Variants in PITPNM2 observed in about 807,000 individuals in gnomAD.
The protein encoded by PITPNM2 is membrane-associated phosphatidylinositol transfer protein 2.
In PITPNM2, 35 loss-of-function variants were observed where a neutral mutation model predicts 132.2. That is an observed-to-expected ratio of 0.26 (90% CI 0.20 to 0.35). The LOEUF (loss-of-function observed/expected upper bound fraction) is 0.35. Among genes scored for constraint, PITPNM2 ranks in the 10% least tolerant of loss-of-function variants. The pLI, the probability that PITPNM2 is intolerant of heterozygous loss-of-function variation, is 1.00. For missense variants in PITPNM2, 1,332 were observed against 1,912.0 expected, an observed-to-expected ratio of 0.70 and a Z score of 5.66; for synonymous variants, 738 against 799.2, an observed-to-expected ratio of 0.92 and a Z score of 1.29.
intron 14 of PITPNM2, 133 bp from the exon 15 acceptor site, chr12:122,995,112 C>A: frequency 9.2e-7 from 1 of 1,083,270 alleles, no homozygotes; most frequent in Non-Finnish European, 1.3e-6. Flanking sequence ...GCTGGACCAC[C>A]TGCCCCTGGT....
rs981210571 is a variant in PITPNM2 at position 122,988,748 on chromosome 12, G to A, written c.2856C>T (p.Asp952=). Residue 952 remains aspartate (D), a synonymous_variant, in exon 19 of 26, where the codon GAC becomes GAT. Transcript: ENST00000320201. The part of the protein sequence containing the change: ...LFHASYWEST[D]VVSFLLRQVM... ...CCTGTCTCAGCAGAAAGGAGACCACGTCTGTTGACTCCCAGTAGCTGGCGT... is the reference window on the plus strand; with the variant it reads ...CCTGTCTCAGCAGAAAGGAGACCACATCTGTTGACTCCCAGTAGCTGGCGT... 8.9e-6 allele frequency: 14 copies of A among 1,567,884 alleles called. No individual in the cohort carries two copies. The highest frequency in any genetic ancestry group is 1.2e-5 in the Non-Finnish European group (14 of 1,156,212).
intron 2 of PITPNM2, among the ~76,000 whole-genome samples, chr12:123,054,990 G>A (rs1467362228): frequency 6.6e-6 from 1 of 152,092 alleles, no homozygotes; most frequent in Non-Finnish European, 1.5e-5. Context: ...CTTGAATCCG[G>A]GAGCAGAGGC....
intron 1 of PITPNM2, among the ~76,000 whole-genome samples, chr12:123,145,376 A>G (rs1019372363): frequency 1.3e-5 from 2 of 152,148 alleles, no homozygotes; most frequent in Non-Finnish European, 2.9e-5. Flanking sequence ...GGCTGGAATC[A>G]GCCTTGAGGT....
intron 4 of PITPNM2, 148 bp downstream of exon 4, chr12:123,013,680 G>T: frequency 1.1e-6 from 1 of 929,678 alleles, no homozygotes; most frequent in Non-Finnish European, 1.6e-6. Context: ...CGGGGCACCT[G>T]TATGGAACAA....
At position 123,097,630 on chromosome 12, in the gene PITPNM2, G is replaced by A. The variant is rs1191637664; in HGVS notation, c.-96+12755C>T. On this transcript the variant is annotated intron_variant, in intron 2 of 25. Transcript: ENST00000320201. The surrounding 1 kb of genome is among the most constrained non-coding windows in gnomAD (Gnocchi z 4.7). ...AAGCAGCCTGTCCGCACGCTCTCCA[G>A]TGCAGCCTGCCTCACTTGCCTGCCT... Among the ~76,000 whole-genome samples the A allele has an allele frequency of 6.6e-6, 1 of 152,218 alleles. No homozygotes were observed. Among genetic ancestry groups the A allele is most frequent in the Admixed American group, 6.5e-5 (1 of 15,284 alleles).
chr12:123,002,374 C>T (rs1023212062), intron 8 of PITPNM2, among the ~76,000 whole-genome samples: 5 of 152,092 alleles, frequency 3.3e-5, no homozygotes, highest in African/African-American at 1.2e-4. Context: ...AAAAATGCTA[C>T]ATTTACTTTA....
intron 1 of PITPNM2, among the ~76,000 whole-genome samples, chr12:123,122,377 G>A (rs572331816): frequency 2.6e-5 from 4 of 152,242 alleles, no homozygotes; most frequent in African/African-American, 4.8e-5. Context: ...CAGGAGAATC[G>A]CTTGAACCTG....
chr12:123,072,196 T>C (rs899808279), intron 2 of PITPNM2, among the ~76,000 whole-genome samples: 6 of 152,082 alleles, frequency 3.9e-5, no homozygotes, highest in Non-Finnish European at 8.8e-5. Context: ...CACCATCCAT[T>C]TGTCCTTCCC....
At chr12:123,074,026 A>G (rs893555917) in intron 2 of PITPNM2, among the ~76,000 whole-genome samples, 1 of 152,244 alleles carries the variant, frequency 6.6e-6, no homozygotes, top group Non-Finnish European at 1.5e-5. Flanking sequence ...AGAGCCCAGC[A>G]GCCATGCCCG....
intron 2 of PITPNM2, among the ~76,000 whole-genome samples, chr12:123,050,926 A>C (rs576678617): frequency 6.6e-6 from 1 of 152,356 alleles, no homozygotes; most frequent in South Asian, 2.1e-4. Context: ...CCATGGGCAC[A>C]TAACTTGGGC....
Position 122,995,652 on chromosome 12 carries a change from G to C in PITPNM2, c.1791C>G (p.Asp597Glu). The change falls in exon 14 of 26, where the codon GAC becomes GAG. Residue 597 changes from aspartate (D) to glutamate (E), a missense_variant. Asp to Glu is a conservative substitution (Grantham distance 45). This residue lies in a region of PITPNM2 where 710 missense variants were observed against 911.5 expected (regional missense o/e 0.78). Coordinates refer to ENST00000320201, the MANE Select transcript of PITPNM2 (RefSeq NM_020845.3). ...TCATCAGGATGCCCGGGGACAGCAG[G>C]TCATTGTCCTGGAACGGCCCCGTGG... The part of the protein sequence containing the change: ...RGSVVSMQDN[D>E]LLSPGILMNA... 6.3e-7 allele frequency: 1 copy of C among 1,596,268 alleles called. No individual in the cohort carries two copies. Among genetic ancestry groups the C allele is most frequent in the African/African-American group, 1.3e-5 (1 of 74,882 alleles).
Position 123,022,631 on chromosome 12 carries a change from A to C in PITPNM2, c.79-8589T>G, listed in dbSNP as rs762589066. On this transcript the variant is annotated intron_variant, in intron 3 of 25. Transcript: ENST00000320201. This position sits in a 1 kb window ranked among gnomAD's most constrained non-coding sequence, Gnocchi z 4.9. ...GTGGGATCATGCTCCCCACTCCACA[A>C]GTAAGAAACTGAGGCACAGAGTACT... is the stretch of plus-strand genomic sequence containing the variant. Among the ~76,000 whole-genome samples, 2 of 152,162 alleles carry C rather than the reference A, an allele frequency of 1.3e-5. No homozygotes were observed. The highest frequency in any genetic ancestry group is 2.9e-5 in the Non-Finnish European group (2 of 68,038).
In PITPNM2 at chr12:123,005,379, G is replaced by A; in HGVS notation, c.813C>T (p.Val271=). The A allele has an allele frequency of 1.2e-6, 2 of 1,614,192 alleles. No homozygotes were observed. Among genetic ancestry groups the A allele is most frequent in the Non-Finnish European group, 1.7e-6 (2 of 1,180,026 alleles). The change falls in exon 7 of 26, where the codon GTC becomes GTT. Residue 271 remains valine (V), a synonymous_variant. Transcript: ENST00000320201. This position sits in a 1 kb window ranked among gnomAD's most constrained non-coding sequence, Gnocchi z 6.2. ...NEDGEEATEL[V]KHEAVSDQTS... ...TCTGGTCCGAGACGGCTTCGTGCTT[G>A]ACGAGCTCAGTGGCCTCCTCACCAT...
chr12:123,069,242 C>A (rs2041546696), intron 2 of PITPNM2, among the ~76,000 whole-genome samples: 1 of 150,288 alleles, frequency 6.7e-6, no homozygotes, highest in African/African-American at 2.5e-5. Context: ...GTAAGACCTA[C>A]TCTCTAAAAA....
At position 123,086,454 on chromosome 12, in the gene PITPNM2, T is replaced by C. The variant is rs550777709; in HGVS notation, c.-96+23931A>G. ...ATGGTCAAAGGTCGGTAAATGGTAA[T>C]GATACATGGATTATAATGGAAGTAC... On this transcript the variant is annotated intron_variant, in intron 2 of 25. Transcript: ENST00000320201. 2.6e-5 allele frequency among the ~76,000 whole-genome samples: 4 copies of C among 152,312 alleles called. No individual in the cohort carries two copies. The East Asian group carries it at 7.7e-4, about 29-fold the overall frequency.
At chr12:123,057,663 C>A (rs1484128727) in intron 2 of PITPNM2, among the ~76,000 whole-genome samples, 4 of 152,170 alleles carry the variant, frequency 2.6e-5, no homozygotes, top group Admixed American at 2.6e-4. Flanking sequence ...CCTGAAGCCC[C>A]AGGGCACATA....
rs903491710 is a variant in PITPNM2 at position 123,058,867 on chromosome 12, G to A, written c.-95-24182C>T. The stretch of plus-strand genomic sequence containing the variant: ...GCTTACACAGCACTCACTCTGAGAA[G>A]CCCTCCGAGACTACTCTGGGCAAAG... On this transcript the variant is annotated intron_variant, in intron 2 of 25. Transcript: ENST00000320201. The surrounding 1 kb of genome is among the most constrained non-coding windows in gnomAD (Gnocchi z 4.0). Among the ~76,000 whole-genome samples the A allele has an allele frequency of 6.6e-6, 1 of 152,142 alleles. No individual in the cohort carries two copies. The highest frequency in any genetic ancestry group is 2.4e-5 in the African/African-American group (1 of 41,414).
intron 2 of PITPNM2, among the ~76,000 whole-genome samples, chr12:123,057,695 G>A (rs1287005927): frequency 6.6e-6 from 1 of 152,262 alleles, no homozygotes; most frequent in Non-Finnish European, 1.5e-5. Context: ...CTCTGGTGGT[G>A]ACGGTTCATC....
chr12:123,125,872 T>G (rs1566303224), intron 1 of PITPNM2, among the ~76,000 whole-genome samples: 1 of 97,382 alleles, frequency 1.0e-5, no homozygotes. Context: ...GGGTTTTTTT[T>G]TTTTTTTTTT....
Sources: allele counts gnomAD v4.1 joint callset (sites outside exome capture counted in the v4.1 genomes callset), GRCh38; gene constraint gnomAD v4.1.1; regional missense constraint gnomAD v4.1.1; non-coding constraint Gnocchi (gnomAD v3.1); transcripts MANE v1.5; gene names NCBI Gene and HGNC (gene_info 2026-07-23, HGNC 2026-07-21).